Variants in DCAF1 observed in about 807,000 individuals in gnomAD.
DCAF1 encodes the protein DDB1 and CUL4 associated factor 1, also known as DDB1- and CUL4-associated factor 1.
A neutral mutation model predicts 128.0 loss-of-function variants in DCAF1; 15 were observed. That is an observed-to-expected ratio of 0.12 (90% CI 0.08 to 0.18). The LOEUF (loss-of-function observed/expected upper bound fraction) is 0.18, where lower values mean the gene tolerates loss of function less well. Among genes scored for constraint, DCAF1 ranks in the 10% least tolerant of loss-of-function variants. The pLI, the probability that DCAF1 is intolerant of heterozygous loss-of-function variation, is 1.00. For missense variants in DCAF1, 988 were observed against 1,649.5 expected (o/e 0.60, Z 6.95); for synonymous variants, 610 against 603.0 (o/e 1.01, Z -0.17).
chr3:51,435,072 G>C (rs1022256774), intron 9 of DCAF1, among the ~76,000 whole-genome samples: 1 of 152,144 alleles, frequency 6.6e-6, no homozygotes, highest in South Asian at 2.1e-4. Context: ...CCAGGCTCAG[G>C]CTAACCCTTA....
chr3:51,417,264 A>G (rs1553630727), intron 17 of DCAF1, among the ~76,000 whole-genome samples: 1 of 152,132 alleles, frequency 6.6e-6, no homozygotes, highest in Non-Finnish European at 1.5e-5. Flanking sequence ...TCAAAAATGC[A>G]AAAAATTAGC....
intron 2 of DCAF1, among the ~76,000 whole-genome samples, chr3:51,490,782 T>C (rs888748262): frequency 5.3e-5 from 8 of 151,762 alleles, no homozygotes; most frequent in Non-Finnish European, 1.2e-4. Context: ...AAACATTAGC[T>C]GACCATGGTG....
At chr3:51,497,880 G>A (rs960732160) in intron 1 of DCAF1, among the ~76,000 whole-genome samples, 7 of 151,370 alleles carry the variant, frequency 4.6e-5, no homozygotes, top group Non-Finnish European at 8.8e-5. Context: ...GAAACCCTGT[G>A]TCTACTAAAA....
chr3:51,450,546 AG>A (rs1397372107), intron 6 of DCAF1, among the ~76,000 whole-genome samples: 1 of 152,256 alleles, frequency 6.6e-6, no homozygotes, highest in Admixed American at 6.5e-5. Context: ...AGATTCTAGA[AG>A]GAAACATCAG....
intron 1 of DCAF1, among the ~76,000 whole-genome samples, chr3:51,498,901 T>C (rs1708529209): frequency 6.6e-6 from 1 of 152,172 alleles, no homozygotes; most frequent in African/African-American, 2.4e-5. Context: ...AATTAACCTC[T>C]CATTCTGTAC....
chr3:51,422,222 G>A, intron 14 of DCAF1, 85 bp downstream of exon 14: 2 of 693,316 alleles, frequency 2.9e-6, no homozygotes, highest in South Asian at 3.1e-5. Flanking sequence ...TCCAAAATTA[G>A]GTCAGGTAAG....
chr3:51,443,732 T>C, intron 7 of DCAF1, 34 bp downstream of exon 7: 1 of 1,560,762 alleles, frequency 6.4e-7, no homozygotes, highest in South Asian at 1.2e-5. Flanking sequence ...ACTCTCCCAT[T>C]TTATATAAAA....
intron 10 of DCAF1, among the ~76,000 whole-genome samples, chr3:51,432,655 C>T (rs1388464757): frequency 6.6e-6 from 1 of 152,138 alleles, no homozygotes; most frequent in Non-Finnish European, 1.5e-5. Context: ...GACGGGGTTA[C>T]ACCATGTTGG....
intron 24 of DCAF1, among the ~76,000 whole-genome samples, chr3:51,399,477 G>A (rs370185968): frequency 1.3e-5 from 2 of 152,344 alleles, no homozygotes; most frequent in Middle Eastern, 3.4e-3. Flanking sequence ...GGAGGCCAGC[G>A]GGAGCAGTGT....
intron 9 of DCAF1, among the ~76,000 whole-genome samples, chr3:51,434,728 G>A (rs966417387): frequency 6.6e-5 from 10 of 152,250 alleles, no homozygotes; most frequent in African/African-American, 2.4e-4. Flanking sequence ...CTAACCACGT[G>A]CATTTTAAAT....
chr3:51,438,543 T>C (rs935909427), intron 9 of DCAF1, among the ~76,000 whole-genome samples: 2 of 152,274 alleles, frequency 1.3e-5, no homozygotes, highest in Non-Finnish European at 2.9e-5. Context: ...CTGTGTCTAT[T>C]AATAAAGATT....
chr3:51,494,354 TCCA>T (rs1708007221), intron 2 of DCAF1, among the ~76,000 whole-genome samples: 1 of 151,928 alleles, frequency 6.6e-6, no homozygotes, highest in Non-Finnish European at 1.5e-5. Context: ...GACCTCGTGA[TCCA>T]CCCGCCTCAG....
intron 4 of DCAF1, among the ~76,000 whole-genome samples, chr3:51,467,225 G>C (rs911120990): frequency 5.3e-5 from 8 of 151,964 alleles, no homozygotes; most frequent in Non-Finnish European, 1.0e-4. Context: ...CCATCTACTC[G>C]GGAGGCTGAG....
intron 6 of DCAF1, among the ~76,000 whole-genome samples, chr3:51,456,131 AG>A (rs1702878105): frequency 6.6e-6 from 1 of 152,220 alleles, no homozygotes; most frequent in Admixed American, 6.5e-5. Context: ...AGGAAGCATA[AG>A]GGGTCAGGGA....
At chr3:51,479,782 C>T (rs1408152041) in intron 3 of DCAF1, among the ~76,000 whole-genome samples, 5 of 151,830 alleles carry the variant, frequency 3.3e-5, no homozygotes, top group Non-Finnish European at 7.4e-5. Context: ...GGCAACAGAG[C>T]GAGACTCCGT....
At chr3:51,488,134 G>A (rs1707193156) in intron 2 of DCAF1, among the ~76,000 whole-genome samples, 1 of 151,952 alleles carries the variant, frequency 6.6e-6, no homozygotes, top group Non-Finnish European at 1.5e-5. Context: ...CAAAATGCTG[G>A]TATTACAGGC....
chr3:51,423,127 TG>T (rs1160874053), intron 13 of DCAF1, among the ~76,000 whole-genome samples: 2 of 151,732 alleles, frequency 1.3e-5, no homozygotes, highest in Admixed American at 1.3e-4. Context: ...TCTGGAAATA[TG>T]AAACAAGATT....
At chr3:51,448,099 T>C (rs1702047378) in intron 6 of DCAF1, among the ~76,000 whole-genome samples, 1 of 152,230 alleles carries the variant, frequency 6.6e-6, no homozygotes, top group Non-Finnish European at 1.5e-5. Context: ...ATCTTCTCTT[T>C]GGTAATCTTC....
At chr3:51,424,974 T>G (rs1316952570) in intron 13 of DCAF1, among the ~76,000 whole-genome samples, 1 of 152,188 alleles carries the variant, frequency 6.6e-6, no homozygotes, top group Non-Finnish European at 1.5e-5. Context: ...TCTCTGTGCC[T>G]TTCTATGTTT....
Sources: gnomAD v4.1 joint callset for allele counts (sites outside exome capture counted in the v4.1 genomes callset) on GRCh38, gnomAD v4.1.1 for gene constraint, MANE v1.5 for transcripts, NCBI Gene and HGNC (gene_info 2026-07-23, HGNC 2026-07-21) for gene names.